LRRC7: variants seen among roughly 807,000 people sequenced by gnomAD.
The protein encoded by LRRC7 is leucine-rich repeat-containing protein 7.
In LRRC7, 23 loss-of-function variants were observed where a neutral mutation model predicts 175.7. The ratio of observed to expected loss-of-function variants is 0.13; its 90% CI spans 0.09 to 0.19. LRRC7 has a LOEUF of 0.19. Among genes scored for constraint, LRRC7 ranks in the 10% least tolerant of loss-of-function variants. The probability of loss-of-function intolerance (pLI) is 1.00; values close to 1 mark genes in which losing one functional copy is unlikely to be tolerated. For missense variants in LRRC7, 1,354 were observed against 1,904.7 expected (o/e 0.71, Z 5.38); for synonymous variants, 685 against 680.9 (o/e 1.01, Z -0.09).
intron 7 of LRRC7, among the ~76,000 whole-genome samples, chr1:69,887,772 A>G (rs1270845598): frequency 1.4e-5 from 2 of 145,760 alleles, no homozygotes; most frequent in Non-Finnish European, 3.0e-5. Flanking sequence ...GTCTTTGATG[A>G]TGGTGATGTA....
intron 7 of LRRC7, among the ~76,000 whole-genome samples, chr1:69,850,008 G>T (rs1000661748): frequency 2.6e-5 from 4 of 152,002 alleles, no homozygotes; most frequent in Non-Finnish European, 4.4e-5. Flanking sequence ...AACACAGGAT[G>T]ATGTTATAGA....
chr1:69,782,097 A>G (rs534616649), intron 3 of LRRC7, among the ~76,000 whole-genome samples: 1 of 152,264 alleles, frequency 6.6e-6, no homozygotes, highest in South Asian at 2.1e-4. Context: ...AAGGATAATA[A>G]TACCTTATTT....
intron 8 of LRRC7, among the ~76,000 whole-genome samples, chr1:69,971,687 C>A (rs896848823): frequency 2.6e-5 from 4 of 152,126 alleles, no homozygotes; most frequent in Admixed American, 6.6e-5. Flanking sequence ...GTGAAAACGA[C>A]CATACTGCCA....
chr1:70,027,815 G>A (rs899567803), intron 17 of LRRC7, among the ~76,000 whole-genome samples: 1 of 152,076 alleles, frequency 6.6e-6, no homozygotes, highest in Non-Finnish European at 1.5e-5. Flanking sequence ...TATTAAAATA[G>A]GGAAGAGAAC....
intron 2 of LRRC7, among the ~76,000 whole-genome samples, chr1:69,720,128 T>A (rs2100776050): frequency 6.6e-6 from 1 of 151,804 alleles, no homozygotes; most frequent in Admixed American, 6.6e-5. Flanking sequence ...AAACTTGGGT[T>A]TATATCTATC....
intron 7 of LRRC7, among the ~76,000 whole-genome samples, chr1:69,873,138 G>A (rs1413933493): frequency 6.6e-6 from 1 of 152,118 alleles, no homozygotes; most frequent in Non-Finnish European, 1.5e-5. Context: ...GTGTAAGCAA[G>A]TAATTTTCAT....
chr1:69,751,852 T>C (rs1448600195), intron 2 of LRRC7, among the ~76,000 whole-genome samples: 2 of 152,150 alleles, frequency 1.3e-5, no homozygotes, highest in Non-Finnish European at 2.9e-5. Context: ...TAACAGGCAG[T>C]ATGCTTTTCT....
At chr1:69,936,500 T>G (rs921020522) in intron 8 of LRRC7, among the ~76,000 whole-genome samples, 1 of 152,202 alleles carries the variant, frequency 6.6e-6, no homozygotes, top group African/African-American at 2.4e-5. Context: ...ATTTTTAAAT[T>G]GTAGTTATAA....
At chr1:69,909,666 G>C (rs1264537854) in intron 7 of LRRC7, among the ~76,000 whole-genome samples, 1 of 152,090 alleles carries the variant, frequency 6.6e-6, no homozygotes, top group Non-Finnish European at 1.5e-5. Context: ...GCTTCCCTTT[G>C]AGGGTAACCC....
At chr1:69,915,354 C>A (rs1428534286) in intron 7 of LRRC7, among the ~76,000 whole-genome samples, 1 of 152,104 alleles carries the variant, frequency 6.6e-6, no homozygotes, top group Admixed American at 6.5e-5. Flanking sequence ...CTTAAATAAA[C>A]CTAGGGCTGT....
At chr1:69,795,895 A>C (rs1675680238) in intron 4 of LRRC7, among the ~76,000 whole-genome samples, 2 of 150,384 alleles carry the variant, frequency 1.3e-5, no homozygotes, top group Admixed American at 1.3e-4. Context: ...CAATTTGAGT[A>C]AACAGATTTT....
At chr1:69,657,108 T>TA (rs1656710321) in intron 1 of LRRC7, among the ~76,000 whole-genome samples, 1 of 151,184 alleles carries the variant, frequency 6.6e-6, no homozygotes, top group African/African-American at 2.4e-5. Context: ...GATACTTATA[T>TA]TGTGTGTGTG....
intron 1 of LRRC7, among the ~76,000 whole-genome samples, chr1:69,632,333 C>G (rs1652643274): frequency 6.6e-6 from 1 of 152,156 alleles, no homozygotes; most frequent in Non-Finnish European, 1.5e-5. Context: ...CAGCACCTAG[C>G]ACAATACTTG....
At chr1:69,838,006 C>T (rs987993441) in intron 6 of LRRC7, among the ~76,000 whole-genome samples, 1 of 151,508 alleles carries the variant, frequency 6.6e-6, no homozygotes, top group African/African-American at 2.4e-5. Context: ...TACAGACATA[C>T]AATGTGTAAT....
chr1:69,757,766 G>A (rs1427855613), intron 2 of LRRC7, among the ~76,000 whole-genome samples: 3 of 151,862 alleles, frequency 2.0e-5, no homozygotes, highest in Middle Eastern at 3.2e-3. Flanking sequence ...CAAGAAGCAT[G>A]AACAATTGAT....
chr1:69,973,296 G>A (rs1360863648), intron 8 of LRRC7, among the ~76,000 whole-genome samples: 3 of 151,788 alleles, frequency 2.0e-5, no homozygotes, highest in African/African-American at 7.3e-5. Context: ...GAAAGGGTAG[G>A]AAAAGGGTGA....
intron 4 of LRRC7, among the ~76,000 whole-genome samples, chr1:69,799,318 A>G (rs116240139): frequency 0.013 from 1,952 of 152,130 alleles, 33 homozygotes; most frequent in African/African-American, 0.044. Flanking sequence ...AATAATGTAC[A>G]TTGTACTCAT....
chr1:69,745,137 T>C (rs76536753), intron 2 of LRRC7, among the ~76,000 whole-genome samples: 221 of 152,032 alleles, frequency 1.5e-3, no homozygotes, highest in Non-Finnish European at 2.4e-3. Context: ...TTGTTCAAGA[T>C]ATGAGAAGGG....
At chr1:69,654,570 A>G (rs1656335655) in intron 1 of LRRC7, among the ~76,000 whole-genome samples, 1 of 152,084 alleles carries the variant, frequency 6.6e-6, no homozygotes, top group Admixed American at 6.6e-5. Context: ...AGATGCCTCT[A>G]TATCAGTGCA....
Sources: allele counts gnomAD v4.1 joint callset (sites outside exome capture counted in the v4.1 genomes callset), GRCh38; gene constraint gnomAD v4.1.1; transcripts MANE v1.5; gene names NCBI Gene and HGNC (gene_info 2026-07-23, HGNC 2026-07-21).